CTDP1: variants seen among roughly 807,000 people sequenced by gnomAD.
The protein encoded by CTDP1 is RNA polymerase II subunit A C-terminal domain phosphatase.
In CTDP1, 47 loss-of-function variants were observed where a neutral mutation model predicts 91.8. That is an observed-to-expected ratio of 0.51 (90% CI 0.41 to 0.65). The LOEUF is 0.65. CTDP1 is among the 30% of genes least tolerant of loss of function. The pLI is 0.00. For synonymous variants in CTDP1, 656 were observed against 598.5 expected (o/e 1.10, Z -1.40); for missense variants, 1,272 against 1,373.7 (o/e 0.93, Z 1.17).
At position 79,714,521 on chromosome 18, in the gene CTDP1, A is replaced by C; in HGVS notation, c.1061A>C (p.Glu354Ala). 1 of 1,613,116 alleles carries C rather than the reference A, an allele frequency of 6.2e-7. No homozygotes were observed. The highest frequency in any genetic ancestry group is 8.5e-7 in the Non-Finnish European group (1 of 1,180,024). The change falls in exon 8 of 13, where the codon GAG becomes GCG. Residue 354 changes from glutamate (E) to alanine (A), a missense_variant. Glu to Ala is a moderately radical substitution (Grantham distance 107). This residue lies in a region of CTDP1 where 881 missense variants were observed against 911.6 expected (regional missense o/e 0.97). Coordinates refer to ENST00000613122, the MANE Select transcript of CTDP1 (RefSeq NM_004715.5). The stretch of plus-strand genomic sequence containing the variant: ...CATTCTCGAGGCACTGAGGTCTCAG[A>C]GCCATCTCCGCCCGTGAGAGACCCT... ...VNHSRGTEVS[E>A]PSPPVRDPEG... is the part of the protein sequence containing the mutation.
At chr18:79,716,306 A>C (rs1016074350) in intron 8 of CTDP1, among the ~76,000 whole-genome samples, 13 of 152,120 alleles carry the variant, frequency 8.5e-5, no homozygotes, top group Non-Finnish European at 1.5e-4. Context: ...CTGTCCACGC[A>C]CGCTCCCTGA....
chr18:79,753,536 G>T, intron 12 of CTDP1, 116 bp from the exon 13 acceptor site: 1 of 1,523,668 alleles, frequency 6.6e-7, no homozygotes. Flanking sequence ...CTTGACCAGA[G>T]AATTGTGCCG....
chr18:79,749,783 A>G (rs1663286508), intron 12 of CTDP1: 1 of 152,148 alleles, frequency 6.6e-6, no homozygotes, highest in Non-Finnish European at 1.5e-5. Context: ...GTTTTGTTTC[A>G]AGTTCTCAAA....
chr18:79,697,714 C>T (rs1443064606), intron 3 of CTDP1, 146 bp from the exon 4 acceptor site: 2 of 1,227,418 alleles, frequency 1.6e-6, no homozygotes, highest in Non-Finnish European at 2.3e-6. Flanking sequence ...CCAGCCCTGC[C>T]TCTCGGCCTG....
intron 1 of CTDP1, among the ~76,000 whole-genome samples, chr18:79,681,193 G>A (rs1296203778): frequency 6.6e-6 from 1 of 152,228 alleles, no homozygotes; most frequent in Non-Finnish European, 1.5e-5. Flanking sequence ...AGTGAGGACT[G>A]GGACAGGAGT....
At chr18:79,748,220 C>G (rs574050767) in intron 12 of CTDP1, among the ~76,000 whole-genome samples, 1 of 152,302 alleles carries the variant, frequency 6.6e-6, no homozygotes, top group Admixed American at 6.5e-5. Flanking sequence ...TTTTTAATGA[C>G]TAAAGTCCAT....
upstream of CTDP1, chr18:79,677,178 A>G (rs989150990): frequency 1.3e-5 from 2 of 152,298 alleles, no homozygotes; most frequent in African/African-American, 4.8e-5. Flanking sequence ...AAACCTGTTC[A>G]CACAGTGAGT....
chr18:79,719,738 C>A (rs1020540456), intron 10 of CTDP1, among the ~76,000 whole-genome samples: 1 of 143,984 alleles, frequency 6.9e-6, no homozygotes, highest in African/African-American at 2.6e-5. Flanking sequence ...TGTCACCTCC[C>A]ATCGTGTCCT....
At chr18:79,753,458 C>G (rs2087039850) in intron 12 of CTDP1, among the ~76,000 whole-genome samples, 194 bp from the exon 13 acceptor site, 1 of 152,236 alleles carries the variant, frequency 6.6e-6, no homozygotes, top group Non-Finnish European at 1.5e-5. Context: ...GGGGCCTCTT[C>G]TCCTGCGCTG....
chr18:79,700,981 C>T (rs956113848), intron 4 of CTDP1, among the ~76,000 whole-genome samples: 6 of 152,220 alleles, frequency 3.9e-5, no homozygotes, highest in Admixed American at 2.0e-4. Flanking sequence ...GATGACAGCA[C>T]CTCTGTTCAC....
upstream of CTDP1, chr18:79,678,979 G>GCCGC (rs1358157251): frequency 4.3e-6 from 1 of 230,112 alleles, no homozygotes; most frequent in Non-Finnish European, 8.8e-6. Flanking sequence ...TACAGGCCTG[G>GCCGC]CCGCCCGCCC....
chr18:79,711,520 G>A (rs1290895447), intron 6 of CTDP1, among the ~76,000 whole-genome samples: 1 of 152,136 alleles, frequency 6.6e-6, no homozygotes, highest in Non-Finnish European at 1.5e-5. Context: ...GGACCCGAGT[G>A]GGCAGAGGAA....
At chr18:79,744,036 T>G (rs2086833408) in intron 12 of CTDP1, among the ~76,000 whole-genome samples, 1 of 152,200 alleles carries the variant, frequency 6.6e-6, no homozygotes, top group Non-Finnish European at 1.5e-5. Flanking sequence ...TTCTGCTCAC[T>G]GAGACAGGTG....
intron 10 of CTDP1, among the ~76,000 whole-genome samples, chr18:79,720,344 G>T (rs932379285): frequency 2.8e-5 from 4 of 144,334 alleles, no homozygotes; most frequent in African/African-American, 1.0e-4. Context: ...TTAGGAGGGC[G>T]TCCTGGTGAT....
At chr18:79,678,193 GTTCT>G (rs2085277824), upstream of CTDP1, 1 of 152,194 alleles carries the variant, frequency 6.6e-6, no homozygotes, top group Non-Finnish European at 1.5e-5. Context: ...AGGAACGCGA[GTTCT>G]TTTAATTATC....
At chr18:79,682,544 C>T (rs1007376359) in intron 1 of CTDP1, among the ~76,000 whole-genome samples, 1 of 152,236 alleles carries the variant, frequency 6.6e-6, no homozygotes, top group African/African-American at 2.4e-5. Context: ...CCTCGAACAA[C>T]TTGCTTTGGT....
intron 11 of CTDP1, 28 bp from the exon 12 acceptor site, chr18:79,736,327 C>A (rs1303358766): frequency 6.5e-7 from 1 of 1,548,838 alleles, no homozygotes; most frequent in African/African-American, 1.4e-5. Context: ...GGAAGGAGGT[C>A]TGTCGCTGAC....
chr18:79,744,610 G>T (rs569347653), intron 12 of CTDP1, among the ~76,000 whole-genome samples: 22 of 152,338 alleles, frequency 1.4e-4, no homozygotes, highest in African/African-American at 5.3e-4. Flanking sequence ...GCTTCTACAG[G>T]TAAAGAAGGA....
At chr18:79,704,540 G>A (rs1172150053) in intron 4 of CTDP1, among the ~76,000 whole-genome samples, 2 of 152,004 alleles carry the variant, frequency 1.3e-5, no homozygotes, top group African/African-American at 4.8e-5. Flanking sequence ...ACATGCAAAC[G>A]TGTATCCTCT....
Sources: gnomAD v4.1 joint callset for allele counts (sites outside exome capture counted in the v4.1 genomes callset) on GRCh38, gnomAD v4.1.1 for gene constraint, gnomAD v4.1.1 regional missense constraint, MANE v1.5 for transcripts, NCBI Gene and HGNC (gene_info 2026-07-23, HGNC 2026-07-21) for gene names.